The following EXOC2 variants were observed in gnomAD, a reference collection of about 807,000 sequenced individuals.
EXOC2 encodes the protein SEC5-like 1.
EXOC2 carries 70 observed loss-of-function variants against 131.8 expected under a neutral mutation model. The ratio of observed to expected loss-of-function variants is 0.53; its 90% CI spans 0.44 to 0.65. The LOEUF is 0.65. EXOC2 is among the 30% of genes least tolerant of loss of function. The pLI is 0.00. For synonymous variants in EXOC2, 411 were observed against 398.4 expected (o/e 1.03, Z -0.38); for missense variants, 923 against 1,108.6 (o/e 0.83, Z 2.38).
At chr6:601,110 G>C (rs1307900239) in intron 7 of EXOC2, among the ~76,000 whole-genome samples, 5 of 152,120 alleles carry the variant, frequency 3.3e-5, no homozygotes, top group Non-Finnish European at 5.9e-5. Flanking sequence ...CAAAACTATT[G>C]AAGAAAAGGG....
intron 23 of EXOC2, among the ~76,000 whole-genome samples, chr6:525,753 T>G (rs1423394514): frequency 6.6e-6 from 1 of 152,214 alleles, no homozygotes; most frequent in Non-Finnish European, 1.5e-5. Context: ...TTTCAAGATA[T>G]GTGTATACAT....
At chr6:563,957 G>T in intron 16 of EXOC2, 76 bp downstream of exon 16, 1 of 1,556,006 alleles carries the variant, frequency 6.4e-7, no homozygotes, top group East Asian at 2.3e-5. Context: ...TGTTTTCAAG[G>T]ATTTGGACAC....
intron 13 of EXOC2, among the ~76,000 whole-genome samples, chr6:572,040 C>T (rs369879814): frequency 6.6e-6 from 1 of 152,234 alleles, no homozygotes; most frequent in East Asian, 1.9e-4. Flanking sequence ...CTTCTGTAAG[C>T]TGATAACAAT....
At chr6:555,894 G>A in intron 19 of EXOC2, 60 bp downstream of exon 19, 1 of 1,495,832 alleles carries the variant, frequency 6.7e-7, no homozygotes, top group Admixed American at 1.8e-5. Flanking sequence ...AAATAGGAGA[G>A]GGGTTGACTG....
At chr6:621,785 G>A (rs1395464155) in intron 4 of EXOC2, among the ~76,000 whole-genome samples, 1 of 152,230 alleles carries the variant, frequency 6.6e-6, no homozygotes. Flanking sequence ...CTCTGGGAGG[G>A]AGGTGGAGAA....
At chr6:591,686 T>C (rs1448809712) in intron 11 of EXOC2, among the ~76,000 whole-genome samples, 6 of 152,164 alleles carry the variant, frequency 3.9e-5, no homozygotes, top group Admixed American at 3.9e-4. Flanking sequence ...TGAGCTTGCA[T>C]GAGCTAGGCC....
chr6:592,509 G>A lies in EXOC2; in HGVS notation c.1152C>T (p.Leu384=), dbSNP rs763529718. The A allele has an allele frequency of 6.2e-7, 1 of 1,614,068 alleles. No individual in the cohort carries two copies. Among genetic ancestry groups the A allele is most frequent in the Non-Finnish European group, 8.5e-7 (1 of 1,180,010 alleles). ...IGAQHKWILQ[L]MHSCKEGYVK... Reference sequence around the variant, plus strand: ...CGTAGCCCTCTTTGCAACTGTGCATGAGCTGAAGGATCCACTTGTGTTGGG... The same window carrying A: ...CGTAGCCCTCTTTGCAACTGTGCATAAGCTGAAGGATCCACTTGTGTTGGG... The change falls in exon 11 of 28, where the codon CTC becomes CTT. Residue 384 remains leucine, a synonymous_variant. Transcript: ENST00000230449.
intron 11 of EXOC2, among the ~76,000 whole-genome samples, chr6:578,525 G>A (rs796473461): frequency 1.6e-4 from 24 of 152,300 alleles, no homozygotes; most frequent in African/African-American, 5.8e-4. Context: ...CCCTCCTACC[G>A]TGTGCCCCTG....
intron 11 of EXOC2, among the ~76,000 whole-genome samples, chr6:583,244 C>A (rs892546965): frequency 6.6e-6 from 1 of 152,116 alleles, no homozygotes; most frequent in Admixed American, 6.5e-5. Context: ...AGTTAGCATT[C>A]AATGTGTGTT....
Position 570,212 on chromosome 6 carries a change from C to T in EXOC2, c.1443+2308G>A, listed in dbSNP as rs537579512. ...GTGGTGGCGCGATCTCGGCTCACTG[C>T]AGGCTCCGCCTCCCGGGTTCACGCC... On this transcript the variant is annotated intron_variant, in intron 13 of 27. Transcript: ENST00000230449. 3.2e-3 allele frequency among the ~76,000 whole-genome samples: 254 copies of T among 79,266 alleles called. 1 individual carries two copies. Among genetic ancestry groups the T allele is most frequent in the Non-Finnish European group, 4.0e-3 (161 of 39,902 alleles). The allele number at this position is 79,266 out of a possible 152,430, so 52.0% of individuals were successfully genotyped here.
At chr6:674,470 T>G (rs1764018462) in intron 1 of EXOC2, among the ~76,000 whole-genome samples, 1 of 152,194 alleles carries the variant, frequency 6.6e-6, no homozygotes, top group African/African-American at 2.4e-5. Context: ...TCTCAAAGCC[T>G]TGCAGTAATA....
chr6:622,429 C>G (rs551627699), intron 4 of EXOC2, among the ~76,000 whole-genome samples: 9 of 152,202 alleles, frequency 5.9e-5, no homozygotes, highest in Non-Finnish European at 1.3e-4. Context: ...GCCCCTCCCC[C>G]ACGCCCATGG....
chr6:643,377 A>G (rs555363013), intron 1 of EXOC2, among the ~76,000 whole-genome samples: 7 of 152,218 alleles, frequency 4.6e-5, no homozygotes, highest in Admixed American at 6.5e-5. Flanking sequence ...GAAGATTACA[A>G]AGGAATCTTC....
chr6:658,667 T>TATTTTATATATATATATATATATATA (rs1561983437), intron 1 of EXOC2, among the ~76,000 whole-genome samples: 117 of 65,012 alleles, frequency 1.8e-3, no homozygotes, highest in African/African-American at 2.6e-3. Flanking sequence ...ATATATATAT[T>TATTTTATATATATATATATATATATA]TTTTTTTTTT....
At position 693,067 on chromosome 6, in the gene EXOC2, A is replaced by T. The variant is rs901776360; in HGVS notation, c.-92T>A. The T allele has an allele frequency of 6.6e-6, 1 of 152,516 alleles. No homozygotes were observed. The highest frequency in any genetic ancestry group is 1.9e-4 in the East Asian group (1 of 5,190). The allele number at this position is 152,516 out of a possible 1,614,324, so 9.4% of individuals were successfully genotyped here. ...ACGGCCGGCACAGACAGGGCCCGGT[A>T]GGTCTCGCCGAAGACTCCGCGGCCG... On this transcript the variant is annotated 5_prime_UTR_variant, in exon 1 of 28. Transcript: ENST00000230449.
intron 1 of EXOC2, chr6:657,010 C>A (rs1763156390): frequency 3.8e-6 from 5 of 1,325,464 alleles, no homozygotes; most frequent in East Asian, 2.6e-5. Context: ...CCCTTCCGGT[C>A]CGCTGGGGTC....
At chr6:690,737 A>G (rs1764886194) in intron 1 of EXOC2, among the ~76,000 whole-genome samples, 1 of 152,196 alleles carries the variant, frequency 6.6e-6, no homozygotes, top group Non-Finnish European at 1.5e-5. Context: ...TTTCATTACA[A>G]TTACTTTTAA....
chr6:630,881 G>C (rs1318299118), intron 3 of EXOC2, among the ~76,000 whole-genome samples: 1 of 152,192 alleles, frequency 6.6e-6, no homozygotes, highest in Non-Finnish European at 1.5e-5. Flanking sequence ...AAATAACCAG[G>C]TTATTCAGGG....
At chr6:499,466 CACACACAGAGACAGAG>C (rs1252521514) in intron 24 of EXOC2, among the ~76,000 whole-genome samples, 163 bp downstream of exon 24, 1 of 149,736 alleles carries the variant, frequency 6.7e-6, no homozygotes, top group African/African-American at 2.5e-5. Context: ...CACACACACA[CACACACAGAGACAGAG>C]AGAGACAGAC....
Sources: allele counts gnomAD v4.1 joint callset (sites outside exome capture counted in the v4.1 genomes callset), GRCh38; gene constraint gnomAD v4.1.1; transcripts MANE v1.5; gene names NCBI Gene and HGNC (gene_info 2026-07-23, HGNC 2026-07-21).